The following PTPRG variants were observed in gnomAD, a reference collection of about 807,000 sequenced individuals.
PTPRG encodes receptor-type tyrosine-protein phosphatase gamma.
A neutral mutation model predicts 165.3 loss-of-function variants in PTPRG; 102 were observed. The ratio of observed to expected loss-of-function variants is 0.62; its 90% CI spans 0.53 to 0.73. The LOEUF (loss-of-function observed/expected upper bound fraction) is 0.73, where lower values mean the gene tolerates loss of function less well. Among genes scored for constraint, PTPRG ranks in the 30% least tolerant of loss-of-function variants. The pLI is 0.00. For missense variants in PTPRG, 1,866 were observed against 1,861.4 expected (o/e 1.00, Z -0.05); for synonymous variants, 675 against 669.5 (o/e 1.01, Z -0.13).
chr3:62,228,916 G>C lies in PTPRG; in HGVS notation c.2289-2309G>C, dbSNP rs1340297564. Among the ~76,000 whole-genome samples the C allele has an allele frequency of 1.3e-5, 2 of 152,182 alleles. No homozygotes were observed. Among genetic ancestry groups the C allele is most frequent in the African/African-American group, 2.4e-5 (1 of 41,450 alleles). Reference sequence around the variant, plus strand: ...CCAACAGACCATTTACTGGACCACAGGTATTCTGGCATCATTTTTTTCTTT... The same window carrying C: ...CCAACAGACCATTTACTGGACCACACGTATTCTGGCATCATTTTTTTCTTT... On this transcript the variant is annotated intron_variant, in intron 13 of 29. Coordinates refer to ENST00000474889, the MANE Select transcript of PTPRG (RefSeq NM_002841.4). The surrounding 1 kb of genome is among the most constrained non-coding windows in gnomAD (Gnocchi z 4.1).
intron 2 of PTPRG, chr3:61,925,992 G>C (rs2039200160): frequency 6.5e-6 from 3 of 460,312 alleles, no homozygotes; most frequent in Non-Finnish European, 1.3e-5. Context: ...TCACCTGCCA[G>C]CTTGTTAGAA....
chr3:62,264,920 AG>A (rs1156269803), intron 17 of PTPRG, among the ~76,000 whole-genome samples: 3 of 151,838 alleles, frequency 2.0e-5, no homozygotes, highest in Non-Finnish European at 2.9e-5. Flanking sequence ...CAATATATAA[AG>A]GGTCCAGTGT....
chr3:61,795,683 A>G (rs893516928), intron 2 of PTPRG, among the ~76,000 whole-genome samples: 5 of 148,802 alleles, frequency 3.4e-5, no homozygotes, highest in African/African-American at 5.0e-5. Flanking sequence ...AATAGTATCT[A>G]CCTTCACAGT....
intron 1 of PTPRG, among the ~76,000 whole-genome samples, chr3:61,622,247 A>T (rs1173939190): frequency 6.6e-6 from 1 of 151,724 alleles, no homozygotes; most frequent in East Asian, 1.9e-4. Context: ...AGGTAAAAAG[A>T]CATTTTTGTG....
intron 8 of PTPRG, among the ~76,000 whole-genome samples, chr3:62,176,609 A>G (rs1299891371): frequency 6.6e-6 from 1 of 152,106 alleles, no homozygotes; most frequent in Non-Finnish European, 1.5e-5. Context: ...CACTGGGCTC[A>G]GTCTTTATCT....
chr3:61,923,511 C>T (rs925699897), intron 2 of PTPRG, among the ~76,000 whole-genome samples: 82 of 151,324 alleles, frequency 5.4e-4, no homozygotes, highest in African/African-American at 2.0e-3. Flanking sequence ...CACCCATTAA[C>T]TCGTCATTTA....
At chr3:61,757,112 A>G (rs2033658174) in intron 2 of PTPRG, among the ~76,000 whole-genome samples, 1 of 152,198 alleles carries the variant, frequency 6.6e-6, no homozygotes, top group African/African-American at 2.4e-5. Flanking sequence ...AACATCCACC[A>G]AAATGGAGGA....
At chr3:61,935,186 C>T (rs1323804611) in intron 2 of PTPRG, among the ~76,000 whole-genome samples, 8 of 152,194 alleles carry the variant, frequency 5.3e-5, no homozygotes, top group Non-Finnish European at 1.5e-5. Flanking sequence ...TTTTCATAAG[C>T]TGAGGTCCTT....
chr3:61,763,157 T>C (rs559744511), intron 2 of PTPRG, among the ~76,000 whole-genome samples: 37 of 152,112 alleles, frequency 2.4e-4, no homozygotes, highest in Non-Finnish European at 4.4e-4. Flanking sequence ...TGCCTTAGAC[T>C]GATCAGGATC....
chr3:61,814,286 A>G (rs1027104753), intron 2 of PTPRG, among the ~76,000 whole-genome samples: 16 of 152,206 alleles, frequency 1.1e-4, no homozygotes, highest in African/African-American at 3.6e-4. Flanking sequence ...GCGGGTGAGC[A>G]GGATTTGAAC....
At position 61,687,276 on chromosome 3, in the gene PTPRG, T is replaced by G. The variant is rs143226157; in HGVS notation, c.86-61602T>G. On this transcript the variant is annotated intron_variant, in intron 1 of 29. Coordinates refer to ENST00000474889, the MANE Select transcript of PTPRG (RefSeq NM_002841.4). ...AGGGGGCCTTCAGTGACACCTCAAG[T>G]TGGTCCTTAGCCATCCACCCTGGTG... Among the ~76,000 whole-genome samples the G allele has an allele frequency of 7.9e-5, 12 of 152,374 alleles. No individual in the cohort carries two copies. In the East Asian group the frequency reaches 2.3e-3, roughly 29 times the overall value.
intron 1 of PTPRG, among the ~76,000 whole-genome samples, chr3:61,596,674 C>G (rs1432606249): frequency 6.6e-6 from 1 of 152,056 alleles, no homozygotes; most frequent in Non-Finnish European, 1.5e-5. Flanking sequence ...AGTTTGAACC[C>G]AGGTCTCCTC....
At chr3:61,922,745 A>G (rs914486118) in intron 2 of PTPRG, among the ~76,000 whole-genome samples, 1 of 152,136 alleles carries the variant, frequency 6.6e-6, no homozygotes, top group African/African-American at 2.4e-5. Context: ...GGCTCAGGTG[A>G]TCGTCCTGCT....
chr3:61,627,613 A>G (rs1433762797), intron 1 of PTPRG, among the ~76,000 whole-genome samples: 1 of 152,096 alleles, frequency 6.6e-6, no homozygotes, highest in Non-Finnish European at 1.5e-5. Context: ...GTTTTATTTA[A>G]TGACCCATTT....
intron 2 of PTPRG, among the ~76,000 whole-genome samples, chr3:61,797,159 G>C (rs1008457529): frequency 6.1e-4 from 93 of 152,336 alleles, no homozygotes; most frequent in African/African-American, 2.2e-3. Context: ...TCCATCATCT[G>C]TGAAATACAG....
intron 1 of PTPRG, among the ~76,000 whole-genome samples, chr3:61,592,649 C>CTTTTTTTT (rs373986933): frequency 7.5e-6 from 1 of 132,872 alleles, no homozygotes; most frequent in Admixed American, 7.4e-5. Flanking sequence ...TTCTTTCTTT[C>CTTTTTTTT]TTTTTTTTTT....
intron 2 of PTPRG, among the ~76,000 whole-genome samples, chr3:61,813,526 A>G (rs1273556279): frequency 1.4e-5 from 2 of 141,368 alleles, no homozygotes; most frequent in African/African-American, 5.3e-5. Context: ...AAAAAAAAAA[A>G]AAAGAAAAAA....
At chr3:61,768,573 C>T (rs1467060248) in intron 2 of PTPRG, among the ~76,000 whole-genome samples, 1 of 152,104 alleles carries the variant, frequency 6.6e-6, no homozygotes, top group African/African-American at 2.4e-5. Flanking sequence ...TGTTCACAGG[C>T]TTTTTATGGC....
At chr3:62,218,724 G>A in intron 12 of PTPRG, 127 bp from the exon 13 acceptor site, 2 of 1,247,920 alleles carry the variant, frequency 1.6e-6, no homozygotes, top group Non-Finnish European at 2.2e-6. Context: ...CTCCTGTCAT[G>A]GGGCAGCTCA....
Sources: allele counts gnomAD v4.1 joint callset (sites outside exome capture counted in the v4.1 genomes callset), GRCh38; gene constraint gnomAD v4.1.1; non-coding constraint Gnocchi (gnomAD v3.1); transcripts MANE v1.5; gene names NCBI Gene and HGNC (gene_info 2026-07-23, HGNC 2026-07-21).